The following DYM variants were observed in gnomAD, a reference collection of about 807,000 sequenced individuals.
DYM encodes dymeclin.
A neutral mutation model predicts 93.1 loss-of-function variants in DYM; 78 were observed. The observed-to-expected ratio is 0.84, with a 90% CI of 0.70 to 1.01. The LOEUF is 1.01. DYM is among the 50% of genes least tolerant of loss of function. The pLI is 0.00. For missense variants in DYM, 789 were observed against 845.0 expected, an observed-to-expected ratio of 0.93 and a Z score of 0.82; for synonymous variants, 321 against 319.7, an observed-to-expected ratio of 1.00 and a Z score of -0.04.
intron 13 of DYM, among the ~76,000 whole-genome samples, chr18:49,250,754 G>C (rs2094268321): frequency 6.6e-6 from 1 of 152,174 alleles, no homozygotes; most frequent in South Asian, 2.1e-4. Context: ...GTGACACAAA[G>C]AACTGCCTCA....
At chr18:49,066,338 A>G (rs541788115) in intron 17 of DYM, among the ~76,000 whole-genome samples, 2 of 152,174 alleles carry the variant, frequency 1.3e-5, no homozygotes, top group South Asian at 2.1e-4. Flanking sequence ...GGCGAGTTCT[A>G]TCTGTGAATT....
At chr18:49,453,357 C>T (rs201661936) in intron 1 of DYM, among the ~76,000 whole-genome samples, 7 of 152,264 alleles carry the variant, frequency 4.6e-5, no homozygotes, top group Middle Eastern at 3.4e-3. Flanking sequence ...TTCCACACTG[C>T]GGGAGCTTTG....
intron 17 of DYM, among the ~76,000 whole-genome samples, chr18:49,076,920 T>C (rs1227864874): frequency 6.6e-6 from 1 of 152,198 alleles, no homozygotes; most frequent in African/African-American, 2.4e-5. Context: ...CCAAAAAACC[T>C]GGACTCTTTA....
At chr18:49,256,235 GT>G (rs2094392255) in intron 13 of DYM, among the ~76,000 whole-genome samples, 1 of 152,158 alleles carries the variant, frequency 6.6e-6, no homozygotes, top group Non-Finnish European at 1.5e-5. Flanking sequence ...AAGCGACCTT[GT>G]GATTATGATT....
chr18:49,110,960 C>T (rs1422650839), intron 16 of DYM, among the ~76,000 whole-genome samples: 2 of 152,100 alleles, frequency 1.3e-5, no homozygotes, highest in African/African-American at 4.8e-5. Flanking sequence ...AGATTTTTTT[C>T]ACAAGCCCAC....
At chr18:49,355,570 A>T (rs1009204266) in intron 6 of DYM, among the ~76,000 whole-genome samples, 4 of 152,158 alleles carry the variant, frequency 2.6e-5, no homozygotes, top group Admixed American at 2.6e-4. Flanking sequence ...ACTGAAGTAA[A>T]CTATATTTGG....
chr18:49,251,243 G>A (rs1247107549), intron 13 of DYM, among the ~76,000 whole-genome samples: 1 of 152,210 alleles, frequency 6.6e-6, no homozygotes, highest in Non-Finnish European at 1.5e-5. Flanking sequence ...GTGCAGGGGT[G>A]AGTAGGGAGG....
intron 2 of DYM, among the ~76,000 whole-genome samples, chr18:49,392,786 A>T: frequency 6.7e-6 from 1 of 149,160 alleles, no homozygotes; most frequent in Non-Finnish European, 1.5e-5. Flanking sequence ...ACTTGAGGTC[A>T]GGAGTTCAAG....
At chr18:49,197,714 C>T (rs2091600007) in intron 14 of DYM, among the ~76,000 whole-genome samples, 1 of 152,116 alleles carries the variant, frequency 6.6e-6, no homozygotes. Context: ...CAAACCACTG[C>T]TCAATGAAAT....
At chr18:49,156,630 G>A (rs1006711896) in intron 15 of DYM, among the ~76,000 whole-genome samples, 3 of 151,488 alleles carry the variant, frequency 2.0e-5, no homozygotes, top group African/African-American at 7.3e-5. Flanking sequence ...TACTTGGGAG[G>A]CTGAGGCAGG....
chr18:49,133,153 G>A (rs1418453380), intron 15 of DYM, among the ~76,000 whole-genome samples: 1 of 152,136 alleles, frequency 6.6e-6, no homozygotes, highest in Non-Finnish European at 1.5e-5. Flanking sequence ...ACTGATGAAA[G>A]TATAATCTGA....
chr18:49,403,619 T>C (rs531301405), intron 2 of DYM, among the ~76,000 whole-genome samples: 1 of 152,220 alleles, frequency 6.6e-6, no homozygotes, highest in East Asian at 1.9e-4. Flanking sequence ...GAATTCAGAG[T>C]GTACGTGTGC....
chr18:49,081,516 G>C (rs1022829574), intron 17 of DYM, among the ~76,000 whole-genome samples: 1 of 139,258 alleles, frequency 7.2e-6, no homozygotes, highest in Non-Finnish European at 1.6e-5. Flanking sequence ...GAGGGAGACC[G>C]AGAGGGAGAG....
At chr18:49,262,944 C>T (rs1042059098) in intron 11 of DYM, among the ~76,000 whole-genome samples, 2 of 152,148 alleles carry the variant, frequency 1.3e-5, no homozygotes, top group African/African-American at 4.8e-5. Flanking sequence ...CTAAATCTCA[C>T]TACATGAAAG....
At position 49,399,934 on chromosome 18, in the gene DYM, CTTTTTT is replaced by C. The variant is rs1201370040; in HGVS notation, c.141-8295_141-8290del. On this transcript the variant is annotated intron_variant, in intron 2 of 17. Transcript: ENST00000675505. Reference sequence around the variant, plus strand: ...TTAAAAGACATTTATTTTTATTTTTCTTTTTTTTTTTTTTTTTTTTTTTTTGAGACG... The same window carrying C: ...TTAAAAGACATTTATTTTTATTTTTCTTTTTTTTTTTTTTTTTTTGAGACG... Among the ~76,000 whole-genome samples the C allele has an allele frequency of 5.0e-4, 33 of 66,130 alleles. No homozygotes were observed. The East Asian group carries it at 6.7e-3, about 13-fold the overall frequency. 43.4% of individuals were successfully genotyped at this position (66,130 alleles called of 152,430 possible).
At chr18:49,341,024 T>A (rs1469407255) in intron 6 of DYM, among the ~76,000 whole-genome samples, 2 of 152,230 alleles carry the variant, frequency 1.3e-5, no homozygotes, top group Non-Finnish European at 2.9e-5. Flanking sequence ...TAAAATCACC[T>A]ATTCACTAAA....
intron 1 of DYM, among the ~76,000 whole-genome samples, chr18:49,435,382 G>T: frequency 7.0e-6 from 1 of 143,200 alleles, no homozygotes; most frequent in East Asian, 2.1e-4. Context: ...TGGATTGCTT[G>T]TAAATGTAGA....
Position 49,097,409 on chromosome 18 carries a change from C to G in DYM, c.2018G>C (p.Arg673Thr), listed in dbSNP as rs1177066075. The G allele has an allele frequency of 6.2e-7, 1 of 1,613,966 alleles. No individual in the cohort carries two copies. The highest frequency in any genetic ancestry group is 2.2e-5 in the East Asian group (1 of 44,880). Residue 673 changes from arginine (R) to threonine (T), a missense_variant, in exon 17 of 18, where the codon AGA (arginine) becomes ACA (threonine). Physicochemically the swap from Arg to Thr is moderately conservative, Grantham distance 71 (BLOSUM62 -1). This residue lies in a region of DYM where 114 missense variants were observed against 105.8 expected (regional missense o/e 1.08). Coordinates refer to ENST00000675505, the MANE Select transcript of DYM (RefSeq NM_001353214.3). ...TTTCTTTAGCCTTCTTACCTTCAGT[C>G]TGTCTTTGGGCAGCGCAACGACGCC... Reference protein sequence around the residue: ...KQGVVALPKDRLKKFPELKFK... With the variant: ...KQGVVALPKDTLKKFPELKFK...
At chr18:49,228,283 C>T (rs2093598214) in intron 13 of DYM, among the ~76,000 whole-genome samples, 1 of 152,044 alleles carries the variant, frequency 6.6e-6, no homozygotes, top group Non-Finnish European at 1.5e-5. Flanking sequence ...CTGACAAGCA[C>T]AATTTAGGCT....
Sources: gnomAD v4.1 joint callset for allele counts (sites outside exome capture counted in the v4.1 genomes callset) on GRCh38, gnomAD v4.1.1 for gene constraint, gnomAD v4.1.1 regional missense constraint, MANE v1.5 for transcripts, NCBI Gene and HGNC (gene_info 2026-07-23, HGNC 2026-07-21) for gene names.